CEP350: variants seen among roughly 807,000 people sequenced by gnomAD.
The protein encoded by CEP350 is centrosomal protein 350, also known as centrosome-associated protein 350.
Under a neutral mutation model 331.8 loss-of-function variants are expected in CEP350, and 126 were observed. That is an observed-to-expected ratio of 0.38 (90% confidence interval 0.33 to 0.44). CEP350 has a LOEUF of 0.44. Ranked by LOEUF, CEP350 falls within the 20% of genes least tolerant of loss-of-function variation. The pLI is 1.00. For missense variants in CEP350, 3,406 were observed against 3,634.6 expected (o/e 0.94, Z 1.62); for synonymous variants, 1,200 against 1,259.5 (o/e 0.95, Z 1.00).
chr1:180,066,463 C>A (rs895056743), intron 27 of CEP350, among the ~76,000 whole-genome samples: 2 of 152,148 alleles, frequency 1.3e-5, no homozygotes, highest in Non-Finnish European at 2.9e-5. Flanking sequence ...TATGTTAAAT[C>A]AATCTGTGAT....
At position 179,967,081 on chromosome 1, in the gene CEP350, G is replaced by A. The variant is rs78879322; in HGVS notation, c.-14+11939G>A. Reference sequence around the variant, plus strand: ...TCCAAACCAGAATAGGTTCAGAGAGGCTTCTTAGACTATACTTTATACAAT... The same window carrying A: ...TCCAAACCAGAATAGGTTCAGAGAGACTTCTTAGACTATACTTTATACAAT... On this transcript the variant is annotated intron_variant, in intron 1 of 37. Coordinates refer to ENST00000367607, the MANE Select transcript of CEP350 (RefSeq NM_014810.5). 4.6e-3 allele frequency among the ~76,000 whole-genome samples: 696 copies of A among 152,260 alleles called. 7 individuals are homozygous for A. Among genetic ancestry groups the A allele is most frequent in the African/African-American group, 0.016 (658 of 41,522 alleles).
intron 1 of CEP350, among the ~76,000 whole-genome samples, chr1:179,982,825 T>C (rs1315297179): frequency 6.6e-6 from 1 of 152,228 alleles, no homozygotes; most frequent in African/African-American, 2.4e-5. Flanking sequence ...GGAGTCTTGC[T>C]CTGTTGCAAG....
In CEP350 at chr1:180,020,683, A is replaced by T; in HGVS notation, c.2909A>T (p.Lys970Ile). The T allele has an allele frequency of 6.2e-7, 1 of 1,614,018 alleles. No individual in the cohort carries two copies. The highest frequency in any genetic ancestry group is 1.6e-4 in the Middle Eastern group (1 of 6,062). The change falls in exon 12 of 38, where the codon AAA (lysine) becomes ATA (isoleucine). Residue 970 changes from lysine to isoleucine, a missense_variant. Lys to Ile is a moderately radical substitution (Grantham distance 102). Transcript: ENST00000367607. ...GATATGCAAGCCTGTTCTCAAGACAAAGCCAAAATATCTCTTGGTTCCAGC... is the reference window on the plus strand; with the variant it reads ...GATATGCAAGCCTGTTCTCAAGACATAGCCAAAATATCTCTTGGTTCCAGC... ...SSDMQACSQD[K>I]AKISLGSSID...
chr1:180,094,092 T>C lies in CEP350; in HGVS notation c.7987T>C (p.Ser2663Pro), dbSNP rs1174796038. The C allele has an allele frequency of 6.2e-7, 1 of 1,613,778 alleles. No individual in the cohort carries two copies. Among genetic ancestry groups the C allele is most frequent in the African/African-American group, 1.3e-5 (1 of 74,926 alleles). Residue 2663 changes from serine (S) to proline (P), a missense_variant, in exon 34 of 38, where the codon TCA becomes CCA. By Grantham distance (74) the Ser-to-Pro change is moderately conservative (BLOSUM62 -1). Coordinates refer to ENST00000367607, the MANE Select transcript of CEP350 (RefSeq NM_014810.5). ...GTCTTCAGTGGATTCACAGATTTCT[T>C]CAAAGGAAAACAAAGACCTCATTTC... ...QQSSVDSQIS[S>P]KENKDLISDA...
rs535698718 is a variant in CEP350, at chr1:179,987,544, A to T, written c.120+258A>T. Among the ~76,000 whole-genome samples, 25 of 149,038 alleles carry T rather than the reference A, an allele frequency of 1.7e-4. No individual in the cohort carries two copies. In the South Asian group the frequency reaches 5.0e-3, roughly 30 times the overall value. ...CATATATAATATATAATATATTATA[A>T]AATGAACATAAATGACAACTATTAA... On this transcript the variant is annotated intron_variant, in intron 3 of 37. Transcript: ENST00000367607.
At chr1:180,016,401 T>C (rs1346265801) in intron 11 of CEP350, among the ~76,000 whole-genome samples, 4 of 152,314 alleles carry the variant, frequency 2.6e-5, no homozygotes, top group African/African-American at 9.6e-5. Flanking sequence ...TGTGGACACA[T>C]TAATAAGGAC....
At chr1:179,968,164 C>T (rs772946084) in intron 1 of CEP350, among the ~76,000 whole-genome samples, 6 of 152,068 alleles carry the variant, frequency 3.9e-5, no homozygotes, top group African/African-American at 1.2e-4. Context: ...AACCCCATCT[C>T]TACTAAAAAT....
intron 25 of CEP350, among the ~76,000 whole-genome samples, chr1:180,058,414 AAAGC>A (rs1166910630): frequency 1.3e-5 from 2 of 152,240 alleles, no homozygotes; most frequent in African/African-American, 4.8e-5. Flanking sequence ...TTTTAATAGA[AAAGC>A]AAGATGCAAA....
At chr1:180,054,366 A>G (rs1406637023) in intron 24 of CEP350, 49 bp from the exon 25 acceptor site, 1 of 1,394,944 alleles carries the variant, frequency 7.2e-7, no homozygotes, top group Non-Finnish European at 1.0e-6. Flanking sequence ...TTATTCAGGT[A>G]AGAGAAATTT....
intron 37 of CEP350, among the ~76,000 whole-genome samples, chr1:180,108,334 A>G (rs74941257): frequency 0.03 from 4,573 of 152,298 alleles, 121 homozygotes; most frequent in South Asian, 0.071. Context: ...AACAGATTTA[A>G]TATTACAGGC....
intron 36 of CEP350, among the ~76,000 whole-genome samples, chr1:180,096,968 ATGCTGGTCC>A (rs201945061): frequency 1.9e-4 from 29 of 152,206 alleles, no homozygotes; most frequent in South Asian, 8.3e-4. Context: ...CTCTCAAGTC[ATGCTGGTCC>A]TGCTGGTCCT....
chr1:180,046,222 A>C (rs898661914), intron 21 of CEP350, among the ~76,000 whole-genome samples: 3 of 152,228 alleles, frequency 2.0e-5, no homozygotes, highest in Non-Finnish European at 4.4e-5. Context: ...GAAACTCAGT[A>C]ACCATTAGCA....
intron 1 of CEP350, among the ~76,000 whole-genome samples, chr1:179,982,581 CAT>C (rs1558077001): frequency 6.6e-6 from 1 of 152,118 alleles, no homozygotes; most frequent in Non-Finnish European, 1.5e-5. Flanking sequence ...ATTGTGGACA[CAT>C]ATGTAGTTTT....
rs1180348315 is a variant in CEP350, at chr1:180,011,915, A to G, written c.1247-14A>G. 1.3e-6 allele frequency: 2 copies of G among 1,564,414 alleles called. No individual in the cohort carries two copies. Among genetic ancestry groups the G allele is most frequent in the Non-Finnish European group, 8.7e-7 (1 of 1,152,902 alleles). ...AAATTTAAGTTTTAATTTCAGTGCC[A>G]TGTATTTTTTTAGGTAGTAGTCATC... is the stretch of plus-strand genomic sequence containing the variant. On this transcript the variant is annotated splice_polypyrimidine_tract_variant and intron_variant, in intron 8 of 37. Coordinates refer to ENST00000367607, the MANE Select transcript of CEP350 (RefSeq NM_014810.5).
chr1:179,987,046 G>A (rs964318728), intron 2 of CEP350, among the ~76,000 whole-genome samples, 194 bp from the exon 3 acceptor site: 1 of 152,106 alleles, frequency 6.6e-6, no homozygotes, highest in Non-Finnish European at 1.5e-5. Flanking sequence ...TGTTGGGAAT[G>A]TTGGCTTAAT....
intron 1 of CEP350, among the ~76,000 whole-genome samples, chr1:179,965,615 CT>C (rs747027286): frequency 0.053 from 4,443 of 84,364 alleles, 40 homozygotes; most frequent in Middle Eastern, 0.081. Context: ...TTTTTCTTTT[CT>C]TTTTTTTTTT....
chr1:180,025,887 C>A (rs1186482475), intron 14 of CEP350, among the ~76,000 whole-genome samples: 1 of 152,058 alleles, frequency 6.6e-6, no homozygotes, highest in Non-Finnish European at 1.5e-5. Context: ...GCATGTTCTG[C>A]ACATGTATCC....
In CEP350 at chr1:180,053,741, C is replaced by T. The variant is rs1195400186; in HGVS notation, c.4990-9C>T. The T allele has an allele frequency of 6.7e-6, 10 of 1,498,318 alleles. No homozygotes were observed. Among genetic ancestry groups the T allele is most frequent in the Non-Finnish European group, 9.0e-6 (10 of 1,106,828 alleles). The allele number at this position is 1,498,318 out of a possible 1,614,324, so 92.8% of individuals were successfully genotyped here. A position where few individuals can be genotyped will look rare whatever the true frequency, so the allele number is the denominator to read the frequency against. ...TGATGATAAACAAGAAAGAAACCAT[C>T]TACTTTAGGAACTGAACATGCCATT... On this transcript the variant is annotated splice_polypyrimidine_tract_variant and intron_variant, in intron 23 of 37. Transcript: ENST00000367607.
chr1:180,023,358 T>C (rs1049812999), intron 13 of CEP350, among the ~76,000 whole-genome samples: 2 of 152,148 alleles, frequency 1.3e-5, no homozygotes, highest in Non-Finnish European at 2.9e-5. Context: ...AGTCCATGAA[T>C]TCCTAGTACA....
Sources: gnomAD v4.1 joint callset for allele counts (sites outside exome capture counted in the v4.1 genomes callset) on GRCh38, gnomAD v4.1.1 for gene constraint, MANE v1.5 for transcripts, NCBI Gene and HGNC (gene_info 2026-07-23, HGNC 2026-07-21) for gene names.